The following FBXO11 variants were observed in gnomAD, a reference collection of about 807,000 sequenced individuals.
The protein encoded by FBXO11 is F-box only protein 11.
A neutral mutation model predicts 117.0 loss-of-function variants in FBXO11; 13 were observed. The ratio of observed to expected loss-of-function variants is 0.11; its 90% CI spans 0.07 to 0.18. The LOEUF is 0.18. Ranked by LOEUF, FBXO11 falls within the 10% of genes least tolerant of loss-of-function variation. The pLI is 1.00. For synonymous variants in FBXO11, 490 were observed against 380.5 expected, an observed-to-expected ratio of 1.29 and a Z score of -3.35; for missense variants, 767 against 1,164.4, an observed-to-expected ratio of 0.66 and a Z score of 4.97.
At chr2:47,874,887 T>TA (rs1675887365) in intron 1 of FBXO11, among the ~76,000 whole-genome samples, 1 of 150,232 alleles carries the variant, frequency 6.7e-6, no homozygotes. Context: ...TTTTTTTTTT[T>TA]AAAGCAAAAA....
rs571972697 is a variant in FBXO11, at chr2:47,822,069, G to GTTA, written c.1702+148_1702+149insTAA. Reference sequence around the variant, plus strand: ...CCACTGTGCTCCAGTCTGCACAAGAGAGTAAGACCTCATTTCTTTAAAAAA... The same window carrying GTTA: ...CCACTGTGCTCCAGTCTGCACAAGAGTTAAGTAAGACCTCATTTCTTTAAAAAA... On this transcript the variant is annotated intron_variant, in intron 13 of 22. Transcript: ENST00000403359. The GTTA allele has an allele frequency of 2.8e-4, 173 of 621,228 alleles. 1 individual carries two copies. The African/African-American group carries it at 2.9e-3, about 10-fold the overall frequency. The allele number at this position is 621,228 out of a possible 1,614,324, so 38.5% of individuals were successfully genotyped here. A position where few individuals can be genotyped will look rare whatever the true frequency, so the allele number is the denominator to read the frequency against.
chr2:47,819,143 C>T (rs1159996227), intron 14 of FBXO11, 65 bp from the exon 15 acceptor site: 1 of 1,519,614 alleles, frequency 6.6e-7, no homozygotes, highest in Non-Finnish European at 8.9e-7. Flanking sequence ...TAGTCTGTTA[C>T]CCCCTTTATA....
At chr2:47,821,324 A>C (rs1041993030) in intron 13 of FBXO11, among the ~76,000 whole-genome samples, 6 of 152,232 alleles carry the variant, frequency 3.9e-5, no homozygotes, top group African/African-American at 1.4e-4. Context: ...TAAAAATGCA[A>C]AAATGGCCAG....
chr2:47,812,836 C>T (rs752484478), intron 18 of FBXO11: 10 of 244,990 alleles, frequency 4.1e-5, no homozygotes, highest in Non-Finnish European at 7.2e-5. Context: ...CCAACAAACA[C>T]AGTTGAAAAC....
intron 16 of FBXO11, among the ~76,000 whole-genome samples, chr2:47,817,121 C>G (rs764480592): frequency 6.6e-6 from 1 of 152,222 alleles, no homozygotes; most frequent in African/African-American, 2.4e-5. Flanking sequence ...TTAGCTATAT[C>G]TTCTGGGATA....
intron 18 of FBXO11, chr2:47,811,475 C>G (rs1272389453): frequency 6.6e-6 from 1 of 152,258 alleles, no homozygotes; most frequent in Non-Finnish European, 1.5e-5. Flanking sequence ...TGGGCCTCCC[C>G]CAAAGTGCTG....
chr2:47,868,300 A>G (rs1161829173), intron 1 of FBXO11, among the ~76,000 whole-genome samples: 1 of 151,562 alleles, frequency 6.6e-6, no homozygotes, highest in African/African-American at 2.4e-5. Flanking sequence ...AAAAAAAAAA[A>G]AAGCTGGGAA....
intron 1 of FBXO11, among the ~76,000 whole-genome samples, chr2:47,876,056 A>C (rs1283034960): frequency 1.3e-5 from 2 of 152,218 alleles, no homozygotes; most frequent in Non-Finnish European, 2.9e-5. Context: ...TTTACGCGTA[A>C]GAAGGTAAAA....
At chr2:47,825,100 G>A (rs1394100095) in intron 11 of FBXO11, among the ~76,000 whole-genome samples, 1 of 151,694 alleles carries the variant, frequency 6.6e-6, no homozygotes, top group Non-Finnish European at 1.5e-5. Context: ...AATTTTTTTT[G>A]CCAAATTTAG....
At chr2:47,905,267 C>A in intron 1 of FBXO11, 1 of 301,622 alleles carries the variant, frequency 3.3e-6, no homozygotes, top group East Asian at 7.3e-5. Context: ...AAAGCGCGGC[C>A]TGAGCGAGAG....
Position 47,894,881 on chromosome 2 carries a change from TCTC to T in FBXO11, c.232+10605_232+10607del, listed in dbSNP as rs1337721175. On this transcript the variant is annotated intron_variant, in intron 1 of 22. Coordinates refer to ENST00000403359, the MANE Select transcript of FBXO11 (RefSeq NM_001190274.2). ...GTGAAAATGGGAAAGAACACAGCAG[TCTC>T]CTCCTCTGTTTTTTGTGGAAAAGGT... 9.9e-5 allele frequency among the ~76,000 whole-genome samples: 15 copies of T among 152,190 alleles called. No individual in the cohort carries two copies. The East Asian group carries it at 1.2e-3, about 12-fold the overall frequency.
rs1317457931 is a variant in FBXO11, at chr2:47,819,142, AC to A, written c.1798-65del. 9 of 1,531,120 alleles carry A rather than the reference AC, an allele frequency of 5.9e-6. No individual in the cohort carries two copies. The South Asian group carries it at 1.1e-4, about 19-fold the overall frequency. The allele number at this position is 1,531,120 out of a possible 1,614,324, so 94.8% of individuals were successfully genotyped here. A position where few individuals can be genotyped will look rare whatever the true frequency, so the allele number is the denominator to read the frequency against. On this transcript the variant is annotated intron_variant, in intron 14 of 22. Transcript: ENST00000403359. ...ATAAGCAAGGCGTTTATAGTCTGTT[AC>A]CCCCTTTATAGACAGTTAAAAAATT...
At chr2:47,821,384 G>A (rs1671367657) in intron 13 of FBXO11, among the ~76,000 whole-genome samples, 3 of 152,298 alleles carry the variant, frequency 2.0e-5, no homozygotes, top group Admixed American at 6.5e-5. Context: ...ACCGAGGCAG[G>A]CAGATCACAA....
chr2:47,884,948 G>C (rs901169887), intron 1 of FBXO11, among the ~76,000 whole-genome samples: 1 of 152,006 alleles, frequency 6.6e-6, no homozygotes, highest in African/African-American at 2.4e-5. Flanking sequence ...TCCATATACT[G>C]ATATCAGACA....
chr2:47,893,705 T>C (rs1677440572), intron 1 of FBXO11, among the ~76,000 whole-genome samples: 1 of 152,220 alleles, frequency 6.6e-6, no homozygotes. Flanking sequence ...ACCCAAATGA[T>C]ACAGAATTTT....
intron 1 of FBXO11, among the ~76,000 whole-genome samples, chr2:47,856,127 A>G (rs969721488): frequency 2.0e-5 from 3 of 152,214 alleles, no homozygotes; most frequent in African/African-American, 7.2e-5. Context: ...TGAAAAACAA[A>G]CAAAAACCTC....
At chr2:47,835,576 G>A (rs1321203702) in intron 5 of FBXO11, among the ~76,000 whole-genome samples, 1 of 151,904 alleles carries the variant, frequency 6.6e-6, no homozygotes, top group Non-Finnish European at 1.5e-5. Context: ...TCAGCTCTCT[G>A]CAACTCTGCC....
rs114272974 is a variant in FBXO11 at position 47,895,703 on chromosome 2, T to G, written c.232+9786A>C. Among the ~76,000 whole-genome samples the G allele has an allele frequency of 9.2e-3, 1,395 of 152,260 alleles. 22 individuals are homozygous for G. The highest frequency in any genetic ancestry group is 0.032 in the African/African-American group (1,316 of 41,554). On this transcript the variant is annotated intron_variant, in intron 1 of 22. Transcript: ENST00000403359. Reference sequence around the variant, plus strand: ...ATAACTATATAGTTTATGTTGTTGTTTTTTTTTGAGACAGAATTTCACTCT... The same window carrying G: ...ATAACTATATAGTTTATGTTGTTGTGTTTTTTTGAGACAGAATTTCACTCT...
Position 47,861,000 on chromosome 2 carries a change from G to T in FBXO11, c.233-21231C>A, listed in dbSNP as rs531570688. 1.7e-4 allele frequency among the ~76,000 whole-genome samples: 26 copies of T among 151,988 alleles called. 1 individual carries two copies. In the South Asian group the frequency reaches 5.0e-3, roughly 29 times the overall value. On this transcript the variant is annotated intron_variant, in intron 1 of 22. Transcript: ENST00000403359. ...TAGCTGGGTTTGCATTTTTAGTAAA[G>T]TCACTACGTCCAGCTAAGTTTGTAT...
Sources: allele counts gnomAD v4.1 joint callset (sites outside exome capture counted in the v4.1 genomes callset), GRCh38; gene constraint gnomAD v4.1.1; transcripts MANE v1.5; gene names NCBI Gene and HGNC (gene_info 2026-07-23, HGNC 2026-07-21).